Variants in TDRD5 observed in about 807,000 individuals in gnomAD.
TDRD5 encodes the protein tudor domain containing 5.
Under a neutral mutation model 120.6 loss-of-function variants are expected in TDRD5, and 41 were observed. The observed-to-expected ratio is 0.34, with a 90% CI of 0.26 to 0.44. The LOEUF is 0.44. TDRD5 is among the 20% of genes least tolerant of loss of function. TDRD5 has a pLI of 1.00. For missense variants in TDRD5, 1,006 were observed against 1,221.2 expected, an observed-to-expected ratio of 0.82 and a Z score of 2.63; for synonymous variants, 430 against 433.7, an observed-to-expected ratio of 0.99 and a Z score of 0.11.
rs375402752 is a variant in TDRD5 at position 179,690,825 on chromosome 1, C to A, written c.2990C>A (p.Ser997Tyr). The A allele has an allele frequency of 1.2e-6, 2 of 1,614,208 alleles. No individual in the cohort carries two copies. Among genetic ancestry groups the A allele is most frequent in the South Asian group, 2.2e-5 (2 of 91,084 alleles). Residue 997 changes from serine to tyrosine, a missense_variant, in exon 18 of 18, where the codon TCT (serine) becomes TAT (tyrosine). Around this residue, in one of 3 missense-constraint regions of TDRD5, gnomAD observed 403 missense variants for 448.1 expected, o/e 0.90. Coordinates refer to ENST00000444136, the MANE Select transcript of TDRD5 (RefSeq NM_001199085.3). ...ATTTTGTCTTATGAGTGCCAGATTT[C>A]TCAGAAGCTCTACATTCCTCGAAGT... is the stretch of plus-strand genomic sequence containing the variant. ...SLILSYECQI[S>Y]QKLYIPRSTA...
chr1:179,603,142 G>A (rs917277648), intron 4 of TDRD5, among the ~76,000 whole-genome samples: 3 of 151,990 alleles, frequency 2.0e-5, no homozygotes, highest in African/African-American at 7.3e-5. Flanking sequence ...TGCAGCTATT[G>A]TGAAGGGGTT....
chr1:179,648,456 G>GCA lies in TDRD5; in HGVS notation c.1801-2411_1801-2410insCA, dbSNP rs1553330062. ...ACTCTGGGGACTGTTGTGGGGTGGG[G>GCA]GGGGGGAGGGATAGCATTGGGAGAT... is the stretch of plus-strand genomic sequence containing the variant. On this transcript the variant is annotated intron_variant, in intron 11 of 17. Transcript: ENST00000444136. 1.1e-4 allele frequency among the ~76,000 whole-genome samples: 8 copies of GCA among 75,854 alleles called. 1 individual carries two copies. The highest frequency in any genetic ancestry group is 5.8e-4 in the East Asian group (1 of 1,736). The allele number at this position is 75,854 out of a possible 152,430, so 49.8% of individuals were successfully genotyped here.
chr1:179,677,191 C>T (rs1313485582), intron 17 of TDRD5, among the ~76,000 whole-genome samples: 1 of 151,964 alleles, frequency 6.6e-6, no homozygotes, highest in Non-Finnish European at 1.5e-5. Flanking sequence ...TCCTTGATTT[C>T]CAGAAGTTGT....
chr1:179,690,559 T>C, intron 17 of TDRD5, 137 bp from the exon 18 acceptor site: 1 of 1,162,520 alleles, frequency 8.6e-7, no homozygotes, highest in Non-Finnish European at 1.2e-6. Context: ...TCATCTTCTC[T>C]GATTAGCCAT....
intron 7 of TDRD5, 57 bp downstream of exon 7, chr1:179,630,977 A>T: frequency 1.4e-6 from 2 of 1,475,916 alleles, no homozygotes; most frequent in Non-Finnish European, 1.8e-6. Context: ...ATGAGGACAA[A>T]GAGAAAACAT....
At position 179,634,592 on chromosome 1, in the gene TDRD5, G is replaced by C. The variant is rs901858085; in HGVS notation, c.1262G>C (p.Cys421Ser). 6 of 1,613,822 alleles carry C rather than the reference G, an allele frequency of 3.7e-6. No individual in the cohort carries two copies. The highest frequency in any genetic ancestry group is 5.1e-6 in the Non-Finnish European group (6 of 1,179,932). The change falls in exon 8 of 18, where the codon TGC (cysteine) becomes TCC (serine). Residue 421 changes from cysteine to serine, a missense_variant. This residue lies in a region of TDRD5 where 445 missense variants were observed against 515.5 expected (regional missense o/e 0.86). Transcript: ENST00000444136. ...CAAAAAGAGCCACAACAGAAGATTT[G>C]CAAGAAGCCTAATCTGGTGGTAAAG... ...KKQKEPQQKI[C>S]KKPNLVVKPL...
Position 179,640,000 on chromosome 1 carries a change from C to T in TDRD5, c.1682C>T (p.Pro561Leu), listed in dbSNP as rs777816085. ...LEKQEVEVFY[P>L]DFGNIGIVQK... is the part of the protein sequence containing the mutation. ...AAACAGGAAGTTGAAGTGTTCTACC[C>T]AGACTTTGGAAATATTGGAATTGTT... Residue 561 changes from proline to leucine, a missense_variant, in exon 10 of 18, where the codon CCA becomes CTA. Physicochemically the swap from Pro to Leu is moderately conservative, Grantham distance 98. Coordinates refer to ENST00000444136, the MANE Select transcript of TDRD5 (RefSeq NM_001199085.3). The T allele has an allele frequency of 2.8e-5, 45 of 1,614,016 alleles. No individual in the cohort carries two copies. Among genetic ancestry groups the T allele is most frequent in the Non-Finnish European group, 3.6e-5 (43 of 1,180,016 alleles).
chr1:179,635,156 G>A (rs777768107), intron 8 of TDRD5, among the ~76,000 whole-genome samples: 2 of 152,060 alleles, frequency 1.3e-5, no homozygotes, highest in African/African-American at 4.8e-5. Context: ...AAAAAGTTTT[G>A]TTTGGAGAGC....
At chr1:179,593,987 A>C in intron 3 of TDRD5, 120 bp downstream of exon 3, 6 of 1,278,420 alleles carry the variant, frequency 4.7e-6, no homozygotes, top group Non-Finnish European at 6.4e-6. Context: ...GAGTGGTCTC[A>C]GGCGAACTGT....
intron 3 of TDRD5, among the ~76,000 whole-genome samples, chr1:179,594,218 A>G (rs1675268872): frequency 6.6e-6 from 1 of 152,226 alleles, no homozygotes; most frequent in African/African-American, 2.4e-5. Flanking sequence ...TCATATAAAT[A>G]AGCTATATGG....
intron 6 of TDRD5, among the ~76,000 whole-genome samples, chr1:179,629,080 T>G (rs1399164826): frequency 6.6e-6 from 1 of 152,158 alleles, no homozygotes; most frequent in Non-Finnish European, 1.5e-5. Context: ...AAAATGTCAT[T>G]TCTGAATAAG....
intron 11 of TDRD5, among the ~76,000 whole-genome samples, chr1:179,645,455 C>G (rs1383600640): frequency 6.6e-6 from 1 of 152,148 alleles, no homozygotes; most frequent in Non-Finnish European, 1.5e-5. Flanking sequence ...AGAGATCATC[C>G]TCTAGATAGT....
intron 9 of TDRD5, 73 bp from the exon 10 acceptor site, chr1:179,639,766 T>C: frequency 6.6e-7 from 1 of 1,514,278 alleles, no homozygotes; most frequent in Non-Finnish European, 9.0e-7. Flanking sequence ...ACTTTCTGGC[T>C]TGATACATTG....
At chr1:179,679,311 T>G (rs1680306924) in intron 17 of TDRD5, among the ~76,000 whole-genome samples, 1 of 152,292 alleles carries the variant, frequency 6.6e-6, no homozygotes, top group South Asian at 2.1e-4. Flanking sequence ...TGAGGGATAT[T>G]TGTCTATAGT....
At chr1:179,627,893 A>C (rs949722152) in intron 6 of TDRD5, among the ~76,000 whole-genome samples, 1 of 152,198 alleles carries the variant, frequency 6.6e-6, no homozygotes, top group Non-Finnish European at 1.5e-5. Flanking sequence ...GAAAGCATAC[A>C]TCTATAGAGT....
chr1:179,681,616 G>A (rs1156280907), intron 17 of TDRD5, among the ~76,000 whole-genome samples: 1 of 152,008 alleles, frequency 6.6e-6, no homozygotes, highest in African/African-American at 2.4e-5. Context: ...CAGCTTCGTA[G>A]GCCATATGAT....
At chr1:179,671,483 C>A (rs2147783552) in intron 17 of TDRD5, among the ~76,000 whole-genome samples, 1 of 152,196 alleles carries the variant, frequency 6.6e-6, no homozygotes, top group Admixed American at 6.5e-5. Flanking sequence ...TGTTTTGCAA[C>A]AAAGTTTTCA....
chr1:179,681,378 A>G lies in TDRD5; in HGVS notation c.2861-9318A>G, dbSNP rs368808671. On this transcript the variant is annotated intron_variant, in intron 17 of 17. Transcript: ENST00000444136. ...CCAGCCTTTTAGCTATTGTCGTTTT[A>G]CTTTTTAAATACATCGTAAACCCCA... Among the ~76,000 whole-genome samples, 288 of 152,220 alleles carry G rather than the reference A, an allele frequency of 1.9e-3. 3 individuals carry two copies. Among genetic ancestry groups the G allele is most frequent in the East Asian group, 8.1e-3 (42 of 5,182 alleles).
chr1:179,601,861 A>G (rs1476415198), intron 4 of TDRD5, among the ~76,000 whole-genome samples: 1 of 152,242 alleles, frequency 6.6e-6, no homozygotes, highest in Non-Finnish European at 1.5e-5. Flanking sequence ...GCTGGAGTGC[A>G]GTGGCACAAT....
Sources: gnomAD v4.1 joint callset for allele counts (sites outside exome capture counted in the v4.1 genomes callset) on GRCh38, gnomAD v4.1.1 for gene constraint, gnomAD v4.1.1 regional missense constraint, MANE v1.5 for transcripts, NCBI Gene and HGNC (gene_info 2026-07-23, HGNC 2026-07-21) for gene names.